Variants in RPS6KA2 observed in about 807,000 individuals in gnomAD.
RPS6KA2 encodes ribosomal protein S6 kinase A2.
Under a neutral mutation model 91.8 loss-of-function variants are expected in RPS6KA2, and 42 were observed. The observed-to-expected ratio is 0.46, with a 90% CI of 0.36 to 0.59. The LOEUF is 0.59. RPS6KA2 is among the 20% of genes least tolerant of loss of function. RPS6KA2 has a pLI of 0.00. For missense variants in RPS6KA2, 798 were observed against 978.5 expected (o/e 0.82, Z 2.46); for synonymous variants, 414 against 393.6 (o/e 1.05, Z -0.61).
At chr6:166,777,439 G>A (rs1778653001) in intron 2 of RPS6KA2, among the ~76,000 whole-genome samples, 2 of 152,168 alleles carry the variant, frequency 1.3e-5, no homozygotes, top group Non-Finnish European at 2.9e-5. Context: ...CACAGAGAGA[G>A]GAAGTGGCCT....
chr6:166,696,971 C>T (rs1039208314), intron 2 of RPS6KA2, among the ~76,000 whole-genome samples: 10 of 152,152 alleles, frequency 6.6e-5, no homozygotes, highest in Admixed American at 3.9e-4. Context: ...GGACTTCAGC[C>T]TGCCAACTGC....
intron 2 of RPS6KA2, among the ~76,000 whole-genome samples, chr6:166,668,328 G>A (rs1788376311): frequency 6.6e-6 from 1 of 152,122 alleles, no homozygotes; most frequent in African/African-American, 2.4e-5. Flanking sequence ...TCATATGGTG[G>A]GGTAGTGTTG....
rs1171620800 is a variant in RPS6KA2 at position 166,459,728 on chromosome 6, A to G, written c.973-177T>C. ...CTGAAATATAGATGGCATAAAATAT[A>G]TTATGTGTAGTATGATAGATACTAT... is the stretch of plus-strand genomic sequence containing the variant. On this transcript the variant is annotated intron_variant, in intron 11 of 20. Transcript: ENST00000265678. This position sits in a 1 kb window ranked among gnomAD's most constrained non-coding sequence, Gnocchi z 4.9. Among the ~76,000 whole-genome samples, 5 of 152,202 alleles carry G rather than the reference A, an allele frequency of 3.3e-5. No individual in the cohort carries two copies. The highest frequency in any genetic ancestry group is 7.3e-5 in the Non-Finnish European group (5 of 68,032).
At chr6:166,543,841 G>A (rs1783737115) in intron 1 of RPS6KA2, among the ~76,000 whole-genome samples, 1 of 151,652 alleles carries the variant, frequency 6.6e-6, no homozygotes. Context: ...GTGCGCATGT[G>A]TACATGTGGA....
intron 14 of RPS6KA2, among the ~76,000 whole-genome samples, chr6:166,441,060 G>A (rs543811644): frequency 6.6e-6 from 1 of 152,296 alleles, no homozygotes; most frequent in Admixed American, 6.5e-5. Context: ...TCCCGTCTTC[G>A]AGTCTCTCTC....
At chr6:166,686,223 A>G (rs1789009090) in intron 2 of RPS6KA2, among the ~76,000 whole-genome samples, 1 of 152,188 alleles carries the variant, frequency 6.6e-6, no homozygotes, top group African/African-American at 2.4e-5. Flanking sequence ...AACAGGAGTC[A>G]GGGTGCATAT....
intron 10 of RPS6KA2, among the ~76,000 whole-genome samples, chr6:166,488,366 C>T (rs1054920375): frequency 6.6e-6 from 1 of 152,200 alleles, no homozygotes; most frequent in African/African-American, 2.4e-5. Context: ...TCGCTAAGAC[C>T]GGCCCAGCCC....
chr6:166,607,738 T>C (rs972144533), intron 1 of RPS6KA2, among the ~76,000 whole-genome samples: 3 of 152,192 alleles, frequency 2.0e-5, no homozygotes, highest in African/African-American at 2.4e-5. Context: ...AATGGGTGAA[T>C]TGTATGGTAT....
In RPS6KA2 at chr6:166,418,214, C is replaced by A. The variant is rs767716506; in HGVS notation, c.1938+11G>T. On this transcript the variant is annotated intron_variant, in intron 19 of 20. Transcript: ENST00000265678. The surrounding 1 kb of genome is among the most constrained non-coding windows in gnomAD (Gnocchi z 4.9). The stretch of plus-strand genomic sequence containing the variant: ...TGAATATTTAAAAGCAACGCTGGGA[C>A]ATGTACTCACTTTAGCTGCGTCAGA... 7.8e-6 allele frequency: 12 copies of A among 1,533,760 alleles called. 1 individual carries two copies. In the South Asian group the frequency reaches 1.4e-4, roughly 17 times the overall value.
intron 2 of RPS6KA2, among the ~76,000 whole-genome samples, chr6:166,751,125 A>G (rs538203265): frequency 6.6e-6 from 1 of 152,308 alleles, no homozygotes; most frequent in East Asian, 1.9e-4. Context: ...TCAGCGGTGA[A>G]ATAGCGGAGC....
At chr6:166,438,302 CA>C (rs1441689845) in intron 14 of RPS6KA2, among the ~76,000 whole-genome samples, 1 of 152,190 alleles carries the variant, frequency 6.6e-6, no homozygotes, top group African/African-American at 2.4e-5. Flanking sequence ...ATTACACACA[CA>C]GTGTGAAGAT....
chr6:166,788,069 T>C (rs1406784631), intron 2 of RPS6KA2, among the ~76,000 whole-genome samples: 5 of 148,492 alleles, frequency 3.4e-5, no homozygotes, highest in Non-Finnish European at 7.4e-5. Context: ...CCAACAGACA[T>C]ATGAAAAAAA....
At chr6:166,834,081 G>C (rs1467613990) in intron 2 of RPS6KA2, among the ~76,000 whole-genome samples, 2 of 152,090 alleles carry the variant, frequency 1.3e-5, no homozygotes, top group Non-Finnish European at 2.9e-5. Context: ...TATATGGCAA[G>C]GGTATGTTTA....
At chr6:166,788,745 A>C (rs1301722561) in intron 2 of RPS6KA2, among the ~76,000 whole-genome samples, 5 of 152,214 alleles carry the variant, frequency 3.3e-5, no homozygotes, top group Admixed American at 3.3e-4. Flanking sequence ...TGTGGGGCTT[A>C]AAACCTAGAT....
In RPS6KA2 at chr6:166,423,137, T is replaced by C. The variant is rs1778782937; in HGVS notation, c.1743+119A>G. The C allele has an allele frequency of 4.8e-6, 5 of 1,032,554 alleles. No individual in the cohort carries two copies. Among genetic ancestry groups the C allele is most frequent in the Non-Finnish European group, 6.9e-6 (5 of 720,786 alleles). The allele number at this position is 1,032,554 out of a possible 1,614,324, so 64.0% of individuals were successfully genotyped here. A position where few individuals can be genotyped will look rare whatever the true frequency, so the allele number is the denominator to read the frequency against. ...TCTCGTTTCTGTTTCCCAACACCACTGCTGACGCAGCTCAAGCCGCCTCTG... is the reference window on the plus strand; with the variant it reads ...TCTCGTTTCTGTTTCCCAACACCACCGCTGACGCAGCTCAAGCCGCCTCTG... On this transcript the variant is annotated intron_variant, in intron 17 of 20. Transcript: ENST00000265678. The surrounding 1 kb of genome is among the most constrained non-coding windows in gnomAD (Gnocchi z 4.8).
chr6:166,641,743 A>AAAAAAAAAAAAAAAAAAAAAAT (rs1787443597), intron 2 of RPS6KA2, among the ~76,000 whole-genome samples: 4 of 131,452 alleles, frequency 3.0e-5, no homozygotes, highest in Admixed American at 7.4e-5. Flanking sequence ...AAAAAAAAAA[A>AAAAAAAAAAAAAAAAAAAAAAT]AAAAAAAAAA....
At chr6:166,756,644 T>G (rs907803947) in intron 2 of RPS6KA2, among the ~76,000 whole-genome samples, 2 of 152,106 alleles carry the variant, frequency 1.3e-5, no homozygotes, top group Non-Finnish European at 2.9e-5. Flanking sequence ...GGTCAGGAGT[T>G]CGAGACCAAC....
intron 1 of RPS6KA2, among the ~76,000 whole-genome samples, chr6:166,614,034 G>A (rs1300073795): frequency 1.3e-5 from 2 of 152,184 alleles, no homozygotes; most frequent in Non-Finnish European, 2.9e-5. Flanking sequence ...GTCAGCTCAG[G>A]AACCAGGCTT....
rs926237120 is a variant in RPS6KA2, at chr6:166,433,795, C to T, written c.1333-1305G>A. Among the ~76,000 whole-genome samples the T allele has an allele frequency of 6.6e-6, 1 of 152,088 alleles. No homozygotes were observed. The highest frequency in any genetic ancestry group is 1.5e-5 in the Non-Finnish European group (1 of 68,014). On this transcript the variant is annotated intron_variant, in intron 14 of 20. Transcript: ENST00000265678. The surrounding 1 kb of genome is among the most constrained non-coding windows in gnomAD (Gnocchi z 4.4). ...TTGGAGACAGGGTCTCACTCTGTTG[C>T]CTAGGTTGGAATACAGTGGTACAAG...
Sources: gnomAD v4.1 joint callset for allele counts (sites outside exome capture counted in the v4.1 genomes callset) on GRCh38, gnomAD v4.1.1 for gene constraint, Gnocchi (gnomAD v3.1) non-coding constraint, MANE v1.5 for transcripts, NCBI Gene and HGNC (gene_info 2026-07-23, HGNC 2026-07-21) for gene names.